The following LINGO2 variants were observed in gnomAD, a reference collection of about 807,000 sequenced individuals.
The protein encoded by LINGO2 is leucine rich repeat and Ig domain containing 2.
In LINGO2, 14 loss-of-function variants were observed where a neutral mutation model predicts 30.6. The ratio of observed to expected loss-of-function variants is 0.46; its 90% CI spans 0.30 to 0.72. The LOEUF is 0.72. Ranked by LOEUF, LINGO2 falls within the 30% of genes least tolerant of loss-of-function variation. The pLI, the probability that LINGO2 is intolerant of heterozygous loss-of-function variation, is 0.07. For missense variants in LINGO2, 729 were observed against 751.7 expected (o/e 0.97, Z 0.35); for synonymous variants, 317 against 288.5 (o/e 1.10, Z -1.00).
At chr9:28,238,736 C>T (rs1821669158) in intron 4 of LINGO2, among the ~76,000 whole-genome samples, 1 of 151,374 alleles carries the variant, frequency 6.6e-6, no homozygotes, top group South Asian at 2.1e-4. Flanking sequence ...TCTTAAAGAA[C>T]TAGAAAATCA....
At chr9:28,421,578 A>T (rs1214422261) in intron 2 of LINGO2, among the ~76,000 whole-genome samples, 1 of 151,972 alleles carries the variant, frequency 6.6e-6, no homozygotes, top group Non-Finnish European at 1.5e-5. Flanking sequence ...TAGTTTCAGG[A>T]CCAAGGGAGT....
At chr9:29,019,224 G>A in the LINGO2 span, among the ~76,000 whole-genome samples, 1 of 152,094 alleles carries the variant, frequency 6.6e-6, no homozygotes, top group Non-Finnish European at 1.5e-5. Flanking sequence ...ACTAACCACT[G>A]AAATGACACA....
At chr9:28,951,085 C>G in the LINGO2 span, among the ~76,000 whole-genome samples, 1 of 152,158 alleles carries the variant, frequency 6.6e-6, no homozygotes, top group East Asian at 1.9e-4. Flanking sequence ...AGAAATAATG[C>G]CACACATCTA....
At chr9:28,105,586 C>T (rs558116077) in intron 4 of LINGO2, among the ~76,000 whole-genome samples, 6 of 152,216 alleles carry the variant, frequency 3.9e-5, no homozygotes, top group South Asian at 2.1e-4. Flanking sequence ...CAAATTCATA[C>T]ATTGAAGCCC....
intron 1 of LINGO2, among the ~76,000 whole-genome samples, chr9:28,638,447 C>A (rs1426336493): frequency 1.3e-5 from 2 of 152,124 alleles, no homozygotes; most frequent in Non-Finnish European, 2.9e-5. Context: ...TCCGTCTGGT[C>A]CTGGACTTTT....
chr9:28,467,007 A>T (rs1310013412), intron 2 of LINGO2, among the ~76,000 whole-genome samples: 2 of 149,984 alleles, frequency 1.3e-5, no homozygotes, highest in East Asian at 4.1e-4. Context: ...CACTAATAAA[A>T]ATAACCCTAG....
chr9:28,097,943 C>A (rs775065510), intron 4 of LINGO2, among the ~76,000 whole-genome samples: 1 of 152,004 alleles, frequency 6.6e-6, no homozygotes, highest in Non-Finnish European at 1.5e-5. Context: ...GGAAAGTCTG[C>A]CAACAGGCCT....
chr9:29,080,186 A>T, the LINGO2 span, among the ~76,000 whole-genome samples: 65,882 of 151,768 alleles, frequency 0.43, 14,529 homozygotes, highest in East Asian at 0.54. Context: ...GGGGTATGTG[A>T]CCAGGAATTT....
At chr9:28,259,524 C>G (rs570597013) in intron 4 of LINGO2, among the ~76,000 whole-genome samples, 6 of 151,146 alleles carry the variant, frequency 4.0e-5, no homozygotes, top group Non-Finnish European at 8.9e-5. Context: ...ATGAAGGAAA[C>G]AGAAGGGAAG....
At chr9:28,437,829 C>T (rs1824015543) in intron 2 of LINGO2, among the ~76,000 whole-genome samples, 1 of 152,048 alleles carries the variant, frequency 6.6e-6, no homozygotes, top group South Asian at 2.1e-4. Flanking sequence ...CATAATTTTT[C>T]AATGTAGCAC....
At chr9:28,760,972 A>ACACACACACACG in the LINGO2 span, among the ~76,000 whole-genome samples, 1 of 150,802 alleles carries the variant, frequency 6.6e-6, no homozygotes, top group Admixed American at 6.6e-5. Flanking sequence ...ACACACACAC[A>ACACACACACACG]CCCCACCACC....
chr9:28,816,171 T>C, the LINGO2 span, among the ~76,000 whole-genome samples: 1 of 152,232 alleles, frequency 6.6e-6, no homozygotes, highest in African/African-American at 2.4e-5. Flanking sequence ...GAAGCCCTCA[T>C]GATCTAATCA....
the LINGO2 span, among the ~76,000 whole-genome samples, chr9:28,947,695 C>T: frequency 6.6e-6 from 1 of 151,420 alleles, no homozygotes; most frequent in African/African-American, 2.4e-5. Flanking sequence ...TACACACACA[C>T]ATATACACGT....
At chr9:28,232,376 C>G (rs1821387557) in intron 4 of LINGO2, among the ~76,000 whole-genome samples, 2 of 146,092 alleles carry the variant, frequency 1.4e-5, no homozygotes, top group Admixed American at 1.4e-4. Flanking sequence ...TGAGGTTGCG[C>G]CACTGCACTC....
At chr9:28,122,624 G>A (rs1827129728) in intron 4 of LINGO2, among the ~76,000 whole-genome samples, 1 of 152,148 alleles carries the variant, frequency 6.6e-6, no homozygotes, top group African/African-American at 2.4e-5. Context: ...TATGAAAGTT[G>A]TACAATCGTT....
intron 4 of LINGO2, among the ~76,000 whole-genome samples, chr9:28,053,813 T>C (rs922624217): frequency 6.6e-6 from 1 of 152,054 alleles, no homozygotes; most frequent in Non-Finnish European, 1.5e-5. Context: ...TCAGAAATGA[T>C]TACGTGTTTT....
the LINGO2 span, among the ~76,000 whole-genome samples, chr9:29,004,663 G>C: frequency 2.6e-5 from 4 of 152,012 alleles, no homozygotes; most frequent in East Asian, 7.7e-4. Flanking sequence ...AAGAGGAAAA[G>C]ATAAAATATG....
the LINGO2 span, among the ~76,000 whole-genome samples, chr9:28,705,812 G>A: frequency 6.6e-6 from 1 of 152,102 alleles, no homozygotes; most frequent in Admixed American, 6.6e-5. Context: ...TTCCAGTGGA[G>A]CATTCTGCTC....
At position 28,053,840 on chromosome 9, in the gene LINGO2, T is replaced by TA. The variant is rs376002995; in HGVS notation, c.-86-41436dup. Among the ~76,000 whole-genome samples, 678 of 152,200 alleles carry TA rather than the reference T, an allele frequency of 4.5e-3. 8 individuals are homozygous for TA. The highest frequency in any genetic ancestry group is 0.015 in the African/African-American group (630 of 41,536). On this transcript the variant is annotated intron_variant, in intron 4 of 5. Coordinates refer to ENST00000379992, the Ensembl canonical transcript of LINGO2. Reference sequence around the variant, plus strand: ...ACGTGTTTTCAGCTAAACCATGAGGTACTTGCACTCTAATTGGGAACACAG... The same window carrying TA: ...ACGTGTTTTCAGCTAAACCATGAGGTAACTTGCACTCTAATTGGGAACACAG...
Sources: gnomAD v4.1 joint callset for allele counts (sites outside exome capture counted in the v4.1 genomes callset) on GRCh38, gnomAD v4.1.1 for gene constraint, MANE v1.5 for transcripts, NCBI Gene and HGNC (gene_info 2026-07-23, HGNC 2026-07-21) for gene names.